BPHL: variants seen among roughly 807,000 people sequenced by gnomAD.
BPHL encodes the protein biphenyl hydrolase like, also known as serine hydrolase BPHL.
In BPHL, 27 loss-of-function variants were observed where a neutral mutation model predicts 31.2. The observed-to-expected ratio is 0.87, with a 90% CI of 0.64 to 1.19. BPHL has a LOEUF of 1.19. BPHL is among the 50% of genes most tolerant of loss of function. BPHL has a pLI of 0.00. For synonymous variants in BPHL, 150 were observed against 146.8 expected (o/e 1.02, Z -0.16); for missense variants, 356 against 375.7 (o/e 0.95, Z 0.43).
chr6:3,145,860 GC>G (rs2113774749), intron 6 of BPHL, among the ~76,000 whole-genome samples: 2 of 66,056 alleles, frequency 3.0e-5, no homozygotes. Flanking sequence ...GCTGGTTCCG[GC>G]TGGAGTGCTG....
At chr6:3,124,867 C>T (rs1761674754) in intron 2 of BPHL, among the ~76,000 whole-genome samples, 1 of 152,190 alleles carries the variant, frequency 6.6e-6, no homozygotes, top group South Asian at 2.1e-4. Context: ...CGGATCGTGG[C>T]ACTGTTGCAC....
chr6:3,137,301 C>G lies in BPHL; in HGVS notation c.533-61C>G, dbSNP rs147518296. ...TCAGAAGTGGCTCTTGCTCAGAATA[C>G]TTAAAGACAATACTTTAGTATGAAA... On this transcript the variant is annotated intron_variant, in intron 4 of 6. Coordinates refer to ENST00000380379, the MANE Select transcript of BPHL (RefSeq NM_004332.4). 9.5e-5 allele frequency: 150 copies of G among 1,587,266 alleles called. No homozygotes were observed. The African/African-American group carries it at 1.8e-3, about 19-fold the overall frequency.
chr6:3,142,971 C>A (rs1762219521), intron 6 of BPHL, among the ~76,000 whole-genome samples: 2 of 152,334 alleles, frequency 1.3e-5, no homozygotes, highest in South Asian at 2.1e-4. Context: ...GTAATCCCAG[C>A]ACTTTGGGAG....
chr6:3,132,850 A>C (rs3823099), intron 4 of BPHL, among the ~76,000 whole-genome samples: 3 of 152,234 alleles, frequency 2.0e-5, no homozygotes, highest in East Asian at 1.9e-4. Flanking sequence ...CAACAACAAC[A>C]ACCAAAAGAA....
chr6:3,143,945 G>A (rs1762248698), intron 6 of BPHL, among the ~76,000 whole-genome samples: 1 of 152,238 alleles, frequency 6.6e-6, no homozygotes, highest in African/African-American at 2.4e-5. Flanking sequence ...TGCCTGCCTG[G>A]GTGTGTGCCC....
At chr6:3,137,838 G>A (rs1392669880) in intron 5 of BPHL, among the ~76,000 whole-genome samples, 2 of 152,046 alleles carry the variant, frequency 1.3e-5, no homozygotes, top group Admixed American at 6.5e-5. Context: ...TGAGTAATTC[G>A]AAAATAAATA....
Position 3,140,323 on chromosome 6 carries a change from G to T in BPHL, c.665-63G>T, listed in dbSNP as rs568827192. ...GGAGGGGCAGGGCTCGCCGAGTTTC[G>T]CCTCCTCTGACCGCGTAGAATGGTT... is the stretch of plus-strand genomic sequence containing the variant. On this transcript the variant is annotated intron_variant, in intron 5 of 6. Coordinates refer to ENST00000380379, the MANE Select transcript of BPHL (RefSeq NM_004332.4). The surrounding 1 kb of genome is among the most constrained non-coding windows in gnomAD (Gnocchi z 5.2). 1 of 1,585,354 alleles carries T rather than the reference G, an allele frequency of 6.3e-7. No individual in the cohort carries two copies.
intron 5 of BPHL, chr6:3,139,072 T>A (rs1020642716): frequency 7.2e-5 from 11 of 152,228 alleles, no homozygotes; most frequent in Non-Finnish European, 1.0e-4. Flanking sequence ...GTTCTGCCTG[T>A]GTCCCCGGCT....
At chr6:3,145,163 C>CGGGGTGG (rs1561799628) in intron 6 of BPHL, among the ~76,000 whole-genome samples, 10 of 74,126 alleles carry the variant, frequency 1.3e-4, no homozygotes, top group African/African-American at 1.6e-4. Context: ...AGTGCTGGTT[C>CGGGGTGG]AGGGTGGAGT....
At chr6:3,137,995 G>A (rs1299501259) in intron 5 of BPHL, 2 of 1,280,056 alleles carry the variant, frequency 1.6e-6, no homozygotes, top group South Asian at 1.2e-5. Flanking sequence ...TGATATGACT[G>A]TAACCATGAA....
Position 3,123,628 on chromosome 6 carries a change from C to G in BPHL, c.108-29C>G, listed in dbSNP as rs746750394. On this transcript the variant is annotated intron_variant, in intron 1 of 6. Transcript: ENST00000380379. ...GAAATCTTCCCATCTCCCCTTTCCC[C>G]CTGTGGGGATGTGTTTTTTCTCTTC... The G allele has an allele frequency of 3.8e-6, 6 of 1,592,646 alleles. No individual in the cohort carries two copies. In the African/African-American group the frequency reaches 6.7e-5, roughly 18 times the overall value.
chr6:3,137,261 A>G (rs1197702047), intron 4 of BPHL, 101 bp from the exon 5 acceptor site: 19 of 1,425,798 alleles, frequency 1.3e-5, no homozygotes, highest in Non-Finnish European at 1.7e-5. Flanking sequence ...CAGACGAGAC[A>G]GTGAGCGCAT....
intron 5 of BPHL, 52 bp downstream of exon 5, chr6:3,137,545 T>TTCC: frequency 6.2e-7 from 1 of 1,606,070 alleles, no homozygotes; most frequent in Non-Finnish European, 8.5e-7. Flanking sequence ...GGTGCTCGAG[T>TTCC]TCCTCCCCAG....
chr6:3,148,497 A>C (rs1762437987), intron 6 of BPHL, among the ~76,000 whole-genome samples: 1 of 152,194 alleles, frequency 6.6e-6, no homozygotes, highest in Admixed American at 6.5e-5. Context: ...TCTGGTGGGG[A>C]GGTAGACGCT....
In BPHL at chr6:3,140,645, C is replaced by A; in HGVS notation, c.788+136C>A. The A allele has an allele frequency of 1.5e-6, 2 of 1,349,082 alleles. No homozygotes were observed. Among genetic ancestry groups the A allele is most frequent in the Non-Finnish European group, 2.0e-6 (2 of 985,256 alleles). The allele number at this position is 1,349,082 out of a possible 1,614,324, so 83.6% of individuals were successfully genotyped here. On this transcript the variant is annotated intron_variant, in intron 6 of 6. Transcript: ENST00000380379. The surrounding 1 kb of genome is among the most constrained non-coding windows in gnomAD (Gnocchi z 5.2). ...CCCTTTTGCCAATGCCAGTCAGTAGCACCGCTTTATTTAGGGTACCACGGA... is the reference window on the plus strand; with the variant it reads ...CCCTTTTGCCAATGCCAGTCAGTAGAACCGCTTTATTTAGGGTACCACGGA...
intron 1 of BPHL, among the ~76,000 whole-genome samples, chr6:3,123,256 A>G (rs560993624): frequency 6.6e-6 from 1 of 152,396 alleles, no homozygotes; most frequent in Admixed American, 6.5e-5. Flanking sequence ...GAGGCGACTC[A>G]TTCATATACA....
At chr6:3,118,900 G>C (rs1312380194) in intron 1 of BPHL, 53 bp downstream of exon 1, 4 of 1,211,950 alleles carry the variant, frequency 3.3e-6, no homozygotes, top group Non-Finnish European at 4.1e-6. Flanking sequence ...CGCTCGAGGG[G>C]CGGCGGGAGG....
At chr6:3,122,335 A>G (rs1201336608) in intron 1 of BPHL, among the ~76,000 whole-genome samples, 1 of 152,176 alleles carries the variant, frequency 6.6e-6, no homozygotes, top group African/African-American at 2.4e-5. Context: ...ATTTCATTGT[A>G]TTGGCACTCC....
chr6:3,151,973 A>G (rs1309158300), intron 6 of BPHL, among the ~76,000 whole-genome samples: 1 of 152,154 alleles, frequency 6.6e-6, no homozygotes, highest in Non-Finnish European at 1.5e-5. Flanking sequence ...CCAAAAATGG[A>G]AGGGTGATTT....
Sources: allele counts gnomAD v4.1 joint callset (sites outside exome capture counted in the v4.1 genomes callset), GRCh38; gene constraint gnomAD v4.1.1; non-coding constraint Gnocchi (gnomAD v3.1); transcripts MANE v1.5; gene names NCBI Gene and HGNC (gene_info 2026-07-23, HGNC 2026-07-21).